The following OPRM1 variants were observed in gnomAD, a reference collection of about 807,000 sequenced individuals.
OPRM1 encodes the protein opioid receptor mu 1.
A neutral mutation model predicts 31.8 loss-of-function variants in OPRM1; 27 were observed. The ratio of observed to expected loss-of-function variants is 0.85; its 90% CI spans 0.63 to 1.17. The LOEUF (loss-of-function observed/expected upper bound fraction) is 1.17, where lower values mean the gene tolerates loss of function less well. Among genes scored for constraint, OPRM1 ranks in the 50% most tolerant of loss-of-function variants. The pLI is 0.00. For missense variants in OPRM1, 536 were observed against 511.1 expected (o/e 1.05, Z -0.47); for synonymous variants, 196 against 189.9 (o/e 1.03, Z -0.26).
At chr6:154,154,317 GC>G (rs1458940244) in intron 3 of OPRM1, among the ~76,000 whole-genome samples, 1 of 152,094 alleles carries the variant, frequency 6.6e-6, no homozygotes, top group African/African-American at 2.4e-5. Context: ...TTTATAATAT[GC>G]AAATTTTAAA....
chr6:154,193,231 A>G (rs913260016), intron 3 of OPRM1, among the ~76,000 whole-genome samples: 7 of 152,212 alleles, frequency 4.6e-5, no homozygotes, highest in African/African-American at 1.7e-4. Flanking sequence ...CCTTGGATGG[A>G]ATTGGAGGCC....
intron 3 of OPRM1, among the ~76,000 whole-genome samples, chr6:154,186,384 T>C (rs1369226963): frequency 6.6e-6 from 1 of 152,206 alleles, no homozygotes; most frequent in Non-Finnish European, 1.5e-5. Context: ...CATTGTCTCA[T>C]TTTAAAATAT....
intron 3 of OPRM1, among the ~76,000 whole-genome samples, chr6:154,244,211 G>C (rs1046570199): frequency 7.9e-5 from 12 of 152,086 alleles, no homozygotes; most frequent in African/African-American, 2.9e-4. Flanking sequence ...GCACAGAGAA[G>C]AGGAATATCA....
intron 3 of OPRM1, among the ~76,000 whole-genome samples, chr6:154,207,050 T>G (rs1305268317): frequency 6.6e-6 from 1 of 152,024 alleles, no homozygotes; most frequent in Non-Finnish European, 1.5e-5. Flanking sequence ...TGGGAGGTGG[T>G]TTTTAGGAGG....
chr6:154,031,672 C>T (rs1023362810), intron 1 of OPRM1, among the ~76,000 whole-genome samples: 11 of 151,994 alleles, frequency 7.2e-5, no homozygotes, highest in African/African-American at 2.4e-4. Context: ...ACTTGGGAGG[C>T]GGAGATTGCA....
intron 3 of OPRM1, chr6:154,199,780 T>G (rs533053679): frequency 6.2e-7 from 1 of 1,614,252 alleles, no homozygotes; most frequent in African/African-American, 1.3e-5. Flanking sequence ...ATCCACTTTC[T>G]GATGTGACAA....
upstream of OPRM1, chr6:154,039,215 G>A (rs750168840): frequency 7.7e-6 from 12 of 1,551,692 alleles, no homozygotes; most frequent in South Asian, 8.3e-5. Context: ...GGATCGCTTT[G>A]CGCAAAATCC....
chr6:154,020,426 C>T (rs554424700), intron 1 of OPRM1, among the ~76,000 whole-genome samples: 1 of 152,080 alleles, frequency 6.6e-6, no homozygotes, highest in African/African-American at 2.4e-5. Flanking sequence ...GATCAAAATC[C>T]CTAATGTCTA....
At chr6:154,088,270 A>G (rs1392528999) in intron 1 of OPRM1, among the ~76,000 whole-genome samples, 3 of 152,234 alleles carry the variant, frequency 2.0e-5, no homozygotes, top group African/African-American at 4.8e-5. Context: ...AAACTAATCT[A>G]TAAGAACAGA....
intron 1 of OPRM1, among the ~76,000 whole-genome samples, chr6:154,063,264 T>A (rs989612841): frequency 3.3e-5 from 5 of 152,012 alleles, no homozygotes; most frequent in African/African-American, 1.2e-4. Context: ...AGAATTTTTG[T>A]GAACATCAGT....
intron 3 of OPRM1, chr6:154,199,994 G>A (rs764009943): frequency 1.2e-6 from 2 of 1,614,096 alleles, no homozygotes; most frequent in Non-Finnish European, 1.7e-6. Flanking sequence ...GAAAGAATAC[G>A]ACGTTCCACT....
chr6:154,227,957 T>C (rs575915823), intron 3 of OPRM1, among the ~76,000 whole-genome samples: 9 of 146,506 alleles, frequency 6.1e-5, no homozygotes, highest in Admixed American at 1.4e-4. Flanking sequence ...ATAATTTGTG[T>C]CAAAAAATGG....
At chr6:154,157,509 T>A (rs1337062249) in intron 3 of OPRM1, 3 of 152,182 alleles carry the variant, frequency 2.0e-5, no homozygotes, top group Non-Finnish European at 4.4e-5. Flanking sequence ...GGCTAAGTAA[T>A]CCCAGGGATC....
chr6:154,088,209 C>CA (rs1791126407), intron 1 of OPRM1, among the ~76,000 whole-genome samples: 1 of 151,796 alleles, frequency 6.6e-6, no homozygotes, highest in South Asian at 2.1e-4. Context: ...AGAAGCAGCA[C>CA]AAAAAAAGAG....
intron 3 of OPRM1, among the ~76,000 whole-genome samples, chr6:154,211,656 T>G (rs543311039): frequency 6.6e-6 from 1 of 152,238 alleles, no homozygotes; most frequent in South Asian, 2.1e-4. Context: ...ATCTGACATA[T>G]TAAAATCAAG....
At chr6:154,136,295 C>T (rs1297728696), downstream of OPRM1, among the ~76,000 whole-genome samples, 1 of 152,170 alleles carries the variant, frequency 6.6e-6, no homozygotes, top group Non-Finnish European at 1.5e-5. Context: ...CCCTCGCCTC[C>T]CTGACTGCGC....
chr6:154,041,764 GA>G (rs1167662339), intron 1 of OPRM1, among the ~76,000 whole-genome samples: 1 of 150,712 alleles, frequency 6.6e-6, no homozygotes. Flanking sequence ...AATCCTGAAG[GA>G]AAAAAGCATG....
chr6:154,061,542 T>C (rs1355057800), intron 1 of OPRM1, among the ~76,000 whole-genome samples: 1 of 152,142 alleles, frequency 6.6e-6, no homozygotes, highest in Non-Finnish European at 1.5e-5. Flanking sequence ...AGCTGGAGGC[T>C]ATTCTTCTGA....
chr6:154,170,560 C>T (rs564405781), intron 3 of OPRM1, among the ~76,000 whole-genome samples: 69 of 152,378 alleles, frequency 4.5e-4, no homozygotes, highest in Non-Finnish European at 8.4e-4. Context: ...AGCACAACCT[C>T]CTTTTTCTCT....
Sources: gnomAD v4.1 joint callset for allele counts (sites outside exome capture counted in the v4.1 genomes callset) on GRCh38, gnomAD v4.1.1 for gene constraint, MANE v1.5 for transcripts, NCBI Gene and HGNC (gene_info 2026-07-23, HGNC 2026-07-21) for gene names.